ZFYVE1: variants seen among roughly 807,000 people sequenced by gnomAD.
ZFYVE1 encodes zinc finger FYVE domain-containing protein 1.
Under a neutral mutation model 74.4 loss-of-function variants are expected in ZFYVE1, and 30 were observed. That is an observed-to-expected ratio of 0.40 (90% CI 0.30 to 0.55). The LOEUF is 0.55. Among genes scored for constraint, ZFYVE1 ranks in the 20% least tolerant of loss-of-function variants. The probability of loss-of-function intolerance (pLI) is 0.42; values close to 1 mark genes in which losing one functional copy is unlikely to be tolerated. For missense variants in ZFYVE1, 703 were observed against 1,011.6 expected (o/e 0.69, Z 4.14); for synonymous variants, 335 against 385.1 (o/e 0.87, Z 1.52).
At position 72,974,187 on chromosome 14, in the gene ZFYVE1, G is replaced by T; in HGVS notation, c.1994C>A (p.Thr665Asn). The part of the protein sequence containing the change: ...YEARNVQLAV[T>N]EAQVDDEGGT... ...ACCTTCATCGTCCACTTGTGCCTCGGTAACAGCTGTAGACAGTAATAAAGG... is the reference window on the plus strand; with the variant it reads ...ACCTTCATCGTCCACTTGTGCCTCGTTAACAGCTGTAGACAGTAATAAAGG... The change falls in exon 11 of 12, where the codon ACC (threonine) becomes AAC (asparagine). Residue 665 changes from threonine to asparagine, a missense_variant. Transcript: ENST00000556143. 1 of 1,613,978 alleles carries T rather than the reference G, an allele frequency of 6.2e-7. No homozygotes were observed. The highest frequency in any genetic ancestry group is 2.2e-5 in the East Asian group (1 of 44,870).
rs60054931 is a variant in ZFYVE1 at position 73,007,194 on chromosome 14, C to T, written c.484-8879G>A. ...TTCCAAGGAGGCCTGAAAAGGGAAA[C>T]CAAGAGGTGAGGAAGGAACTAAAGA... On this transcript the variant is annotated intron_variant, in intron 2 of 11. Transcript: ENST00000556143. 6.4e-3 allele frequency among the ~76,000 whole-genome samples: 969 copies of T among 152,026 alleles called. 14 individuals carry two copies. Among genetic ancestry groups the T allele is most frequent in the African/African-American group, 0.022 (914 of 41,462 alleles).
intron 4 of ZFYVE1, among the ~76,000 whole-genome samples, chr14:72,985,848 A>G (rs1209976064): frequency 1.3e-5 from 2 of 152,132 alleles, no homozygotes; most frequent in Non-Finnish European, 2.9e-5. Flanking sequence ...CCTGGACTCA[A>G]GCCATTCTCC....
chr14:73,004,483 A>T (rs1893937038), intron 2 of ZFYVE1, among the ~76,000 whole-genome samples: 1 of 151,936 alleles, frequency 6.6e-6, no homozygotes, highest in Admixed American at 6.6e-5. Flanking sequence ...TATAACTCAT[A>T]TGGGATGGAA....
intron 4 of ZFYVE1, among the ~76,000 whole-genome samples, chr14:72,991,755 T>A (rs1291657413): frequency 6.6e-6 from 1 of 152,220 alleles, no homozygotes; most frequent in East Asian, 1.9e-4. Flanking sequence ...TGTATGTATT[T>A]CATGAATTAT....
intron 2 of ZFYVE1, among the ~76,000 whole-genome samples, chr14:73,017,421 A>G (rs1454315007): frequency 6.6e-6 from 1 of 152,188 alleles, no homozygotes; most frequent in Non-Finnish European, 1.5e-5. Flanking sequence ...AATCATTGCC[A>G]ATGTCCCTTG....
In ZFYVE1 at chr14:73,024,066, A is replaced by G. The variant is rs1440583576; in HGVS notation, c.443T>C (p.Val148Ala). ...TTCGTCTACTAGGAGGAAACTCACA[A>G]CCTTCTCAGTCATCTTCTTCCTCTT... is the stretch of plus-strand genomic sequence containing the variant. Reference protein sequence around the residue: ...ETKRKKMTEKVVSFLLVDENE... With the variant: ...ETKRKKMTEKAVSFLLVDENE... The change falls in exon 2 of 12, where the codon GTT becomes GCT. Residue 148 changes from valine to alanine, a missense_variant. This residue lies in a region of ZFYVE1 where 211 missense variants were observed against 221.7 expected (regional missense o/e 0.95). Coordinates refer to ENST00000556143, the MANE Select transcript of ZFYVE1 (RefSeq NM_021260.4). The G allele has an allele frequency of 1.2e-6, 2 of 1,614,054 alleles. No homozygotes were observed. Among genetic ancestry groups the G allele is most frequent in the East Asian group, 4.5e-5 (2 of 44,876 alleles).
Position 72,993,130 on chromosome 14 carries a change from C to T in ZFYVE1, c.1203+13G>A, listed in dbSNP as rs1893659166. 4 of 1,583,076 alleles carry T rather than the reference C, an allele frequency of 2.5e-6. No individual in the cohort carries two copies. Among genetic ancestry groups the T allele is most frequent in the Non-Finnish European group, 3.4e-6 (4 of 1,161,924 alleles). On this transcript the variant is annotated intron_variant, in intron 4 of 11. Transcript: ENST00000556143. Reference sequence around the variant, plus strand: ...ACCCCAATGAGAAGCCCTTGGGGCACAAGCCAACTGACCTTCAGGGCTTTG... The same window carrying T: ...ACCCCAATGAGAAGCCCTTGGGGCATAAGCCAACTGACCTTCAGGGCTTTG...
chr14:72,987,893 T>A (rs1188960843), intron 4 of ZFYVE1, among the ~76,000 whole-genome samples: 1 of 152,106 alleles, frequency 6.6e-6, no homozygotes, highest in Non-Finnish European at 1.5e-5. Context: ...TCAAAAGTGA[T>A]CCTGTCAGCA....
intron 3 of ZFYVE1, 31 bp downstream of exon 3, chr14:72,997,780 T>C (rs755566625): frequency 1.3e-6 from 2 of 1,548,670 alleles, no homozygotes; most frequent in Non-Finnish European, 1.7e-6. Context: ...CCCATAAAGG[T>C]TGAGCTGTGA....
intron 2 of ZFYVE1, among the ~76,000 whole-genome samples, chr14:73,019,057 T>C (rs1477922369): frequency 6.6e-6 from 1 of 152,208 alleles, no homozygotes; most frequent in Non-Finnish European, 1.5e-5. Context: ...GGTGACTTTC[T>C]ACTTCTGAGA....
chr14:72,980,970 A>G (rs539899368), intron 5 of ZFYVE1, among the ~76,000 whole-genome samples: 1 of 152,184 alleles, frequency 6.6e-6, no homozygotes, highest in Non-Finnish European at 1.5e-5. Flanking sequence ...TTTCTGATGC[A>G]TGCTAAAATT....
intron 2 of ZFYVE1, among the ~76,000 whole-genome samples, chr14:73,013,556 G>A (rs1008222588): frequency 2.0e-5 from 3 of 151,256 alleles, no homozygotes; most frequent in African/African-American, 7.3e-5. Flanking sequence ...CCGAGATTGC[G>A]CCACTGCACT....
At position 73,024,422 on chromosome 14, in the gene ZFYVE1, T is replaced by C. The variant is rs761026994; in HGVS notation, c.87A>G (p.Glu29=). 3.7e-6 allele frequency: 6 copies of C among 1,614,010 alleles called. No individual in the cohort carries two copies. In the South Asian group the frequency reaches 6.6e-5, roughly 18 times the overall value. Residue 29 remains glutamate, a synonymous_variant, in exon 2 of 12, where the codon GAA becomes GAG. Coordinates refer to ENST00000556143, the MANE Select transcript of ZFYVE1 (RefSeq NM_021260.4). ...AGCACTCATCACACTCAAAGATAGC[T>C]TCATCAGTCCCGCTGCAAGCGTAAC... The part of the protein sequence containing the change: ...QESYACSGTD[E]AIFECDECCS...
intron 11 of ZFYVE1, among the ~76,000 whole-genome samples, chr14:72,973,592 G>A (rs1455507549): frequency 6.6e-6 from 1 of 152,114 alleles, no homozygotes; most frequent in Non-Finnish European, 1.5e-5. Context: ...TTTAAGAAGT[G>A]CCAAAGAAAC....
intron 11 of ZFYVE1, among the ~76,000 whole-genome samples, chr14:72,972,692 T>C (rs1473786589): frequency 6.6e-6 from 1 of 151,416 alleles, no homozygotes; most frequent in Non-Finnish European, 1.5e-5. Context: ...CAGGGCTGGG[T>C]AGCTATTTTA....
chr14:72,979,448 T>A (rs1437267905), intron 5 of ZFYVE1, among the ~76,000 whole-genome samples: 1 of 150,772 alleles, frequency 6.6e-6, no homozygotes, highest in Non-Finnish European at 1.5e-5. Context: ...TGCAGTGAGT[T>A]CAAGACCAGC....
chr14:73,003,529 TAGCA>T (rs1436899602), intron 2 of ZFYVE1, among the ~76,000 whole-genome samples: 1 of 152,114 alleles, frequency 6.6e-6, no homozygotes, highest in Non-Finnish European at 1.5e-5. Context: ...TTAAGCAACA[TAGCA>T]AGACCCCAAC....
intron 2 of ZFYVE1, among the ~76,000 whole-genome samples, chr14:73,002,189 T>C (rs975735664): frequency 6.6e-6 from 1 of 152,114 alleles, no homozygotes; most frequent in African/African-American, 2.4e-5. Context: ...CCACATAGTG[T>C]ACGACTCCAT....
intron 4 of ZFYVE1, among the ~76,000 whole-genome samples, chr14:72,984,188 G>A (rs1893417556): frequency 6.6e-6 from 1 of 152,126 alleles, no homozygotes; most frequent in Non-Finnish European, 1.5e-5. Context: ...AAAATGGTCT[G>A]ACAAATAATG....
Sources: allele counts gnomAD v4.1 joint callset (sites outside exome capture counted in the v4.1 genomes callset), GRCh38; gene constraint gnomAD v4.1.1; regional missense constraint gnomAD v4.1.1; transcripts MANE v1.5; gene names NCBI Gene and HGNC (gene_info 2026-07-23, HGNC 2026-07-21).